The following SLC26A3 variants were observed in gnomAD, a reference collection of about 807,000 sequenced individuals.
The protein encoded by SLC26A3 is solute carrier family 26 member 3, also known as chloride anion exchanger.
Under a neutral mutation model 85.6 loss-of-function variants are expected in SLC26A3, and 64 were observed. That is an observed-to-expected ratio of 0.75 (90% confidence interval 0.61 to 0.92). The LOEUF is 0.92. SLC26A3 is among the 40% of genes least tolerant of loss of function. The pLI is 0.00. For missense variants in SLC26A3, 922 were observed against 927.3 expected, an observed-to-expected ratio of 0.99 and a Z score of 0.07; for synonymous variants, 349 against 336.0, an observed-to-expected ratio of 1.04 and a Z score of -0.42.
At chr7:107,787,660 A>C in intron 6 of SLC26A3, 151 bp from the exon 7 acceptor site, 1 of 680,584 alleles carries the variant, frequency 1.5e-6, no homozygotes, top group Non-Finnish European at 2.5e-6. Flanking sequence ...TTAATTGTGA[A>C]TGTGAAATTG....
chr7:107,777,086 G>A (rs968522691), intron 13 of SLC26A3, among the ~76,000 whole-genome samples: 4 of 152,190 alleles, frequency 2.6e-5, no homozygotes, highest in African/African-American at 9.7e-5. Context: ...TATGTTTGAT[G>A]GGTTCCCAGT....
At chr7:107,777,571 C>G (rs1030296658) in intron 13 of SLC26A3, among the ~76,000 whole-genome samples, 5 of 151,986 alleles carry the variant, frequency 3.3e-5, no homozygotes, top group Admixed American at 6.6e-5. Flanking sequence ...GCCTGGGCGA[C>G]AAGAGCGAAA....
intron 1 of SLC26A3, among the ~76,000 whole-genome samples, chr7:107,795,510 T>G (rs559182290): frequency 1.2e-3 from 188 of 152,280 alleles, no homozygotes; most frequent in African/African-American, 4.4e-3. Flanking sequence ...CCTTATTATT[T>G]TATTATTATT....
At position 107,797,739 on chromosome 7, in the gene SLC26A3, C is replaced by CATTTTTTTTTTTTTTTTTT. The variant is rs781396459; in HGVS notation, c.-88-3143_-88-3142insAAAAAAAAAAAAAAAAAAT. On this transcript the variant is annotated intron_variant, in intron 1 of 20. Coordinates refer to ENST00000340010, the MANE Select transcript of SLC26A3 (RefSeq NM_000111.3). ...TCATTTCTGAGATTCTTGAGCAGGA[C>CATTTTTTTTTTTTTTTTTT]CTTTTTTTTTTGAGACGGAGTCTTG... 7.3e-3 allele frequency among the ~76,000 whole-genome samples: 514 copies of CATTTTTTTTTTTTTTTTTT among 70,392 alleles called. 24 individuals are homozygous for CATTTTTTTTTTTTTTTTTT. The highest frequency in any genetic ancestry group is 0.041 in the African/African-American group (490 of 11,890). The allele number at this position is 70,392 out of a possible 152,430, so 46.2% of individuals were successfully genotyped here.
At chr7:107,784,399 C>T (rs1794258259) in intron 8 of SLC26A3, among the ~76,000 whole-genome samples, 1 of 152,132 alleles carries the variant, frequency 6.6e-6, no homozygotes. Flanking sequence ...CTGCCACTTG[C>T]CCTTCCCAAG....
At chr7:107,789,278 G>A (rs970420669) in intron 6 of SLC26A3, among the ~76,000 whole-genome samples, 12 of 151,330 alleles carry the variant, frequency 7.9e-5, no homozygotes, top group East Asian at 3.9e-4. Context: ...CACCATGCCC[G>A]GCTATTTTTT....
At chr7:107,777,943 A>T (rs1300073295) in intron 13 of SLC26A3, among the ~76,000 whole-genome samples, 1 of 152,266 alleles carries the variant, frequency 6.6e-6, no homozygotes, top group Non-Finnish European at 1.5e-5. Context: ...AGTCAAAGCC[A>T]GAAGCAGACC....
intron 18 of SLC26A3, among the ~76,000 whole-genome samples, chr7:107,769,466 T>C (rs1011023202): frequency 6.6e-6 from 1 of 152,038 alleles, no homozygotes; most frequent in African/African-American, 2.4e-5. Flanking sequence ...CTTAGCAAAG[T>C]AATGCAGGAA....
chr7:107,773,475 C>T (rs1794058799), intron 17 of SLC26A3, among the ~76,000 whole-genome samples: 1 of 152,218 alleles, frequency 6.6e-6, no homozygotes, highest in African/African-American at 2.4e-5. Context: ...CCACCTTTCC[C>T]TCCATGGAAT....
rs1793898855 is a variant in SLC26A3 at position 107,765,605 on chromosome 7, AAAAATATGTATGAAC to A, written c.*235_*249del. ...TAGGATGGAAATCTGTCAGTGCTACAAAAATATGTATGAACAAAATAATTTTCACCCTTTGATAAA... is the reference window on the plus strand; with the variant it reads ...TAGGATGGAAATCTGTCAGTGCTACAAAAATAATTTTCACCCTTTGATAAA... On this transcript the variant is annotated 3_prime_UTR_variant, in exon 21 of 21. Coordinates refer to ENST00000340010, the MANE Select transcript of SLC26A3 (RefSeq NM_000111.3). 4 of 455,184 alleles carry A rather than the reference AAAAATATGTATGAAC, an allele frequency of 8.8e-6. No homozygotes were observed. Among genetic ancestry groups the A allele is most frequent in the Non-Finnish European group, 1.2e-5 (3 of 254,350 alleles). 28.2% of individuals were successfully genotyped at this position (455,184 alleles called of 1,614,324 possible).
intron 1 of SLC26A3, among the ~76,000 whole-genome samples, chr7:107,796,094 C>CTTATTATTATTATTA (rs58164632): frequency 6.7e-6 from 1 of 148,776 alleles, no homozygotes; most frequent in Non-Finnish European, 1.5e-5. Flanking sequence ...TTATGACTCC[C>CTTATTATTATTATTA]TTATTATTAT....
intron 1 of SLC26A3, among the ~76,000 whole-genome samples, chr7:107,797,740 C>CTTTTTCT (rs1794534048): frequency 7.8e-6 from 1 of 127,448 alleles, no homozygotes; most frequent in African/African-American, 3.3e-5. Flanking sequence ...TGAGCAGGAC[C>CTTTTTCT]TTTTTTTTTT....
chr7:107,791,493 T>A (rs1223487369), intron 4 of SLC26A3, among the ~76,000 whole-genome samples: 1 of 152,138 alleles, frequency 6.6e-6, no homozygotes, highest in East Asian at 1.9e-4. Context: ...ATGCCTGTAA[T>A]CCCAGCTACT....
chr7:107,776,343 C>T, intron 15 of SLC26A3, 109 bp downstream of exon 15: 2 of 921,500 alleles, frequency 2.2e-6, no homozygotes, highest in South Asian at 2.7e-5. Flanking sequence ...ACAACCCCAC[C>T]TCAACATATG....
At chr7:107,789,899 G>A (rs988727725) in intron 5 of SLC26A3, among the ~76,000 whole-genome samples, 6 of 152,106 alleles carry the variant, frequency 3.9e-5, no homozygotes, top group Non-Finnish European at 8.8e-5. Flanking sequence ...CAGGTGGAAC[G>A]TCACATGGTA....
chr7:107,791,167 C>G lies in SLC26A3; in HGVS notation c.451G>C (p.Asp151His). The G allele has an allele frequency of 1.2e-6, 2 of 1,614,208 alleles. No homozygotes were observed. The highest frequency in any genetic ancestry group is 1.7e-6 in the Non-Finnish European group (2 of 1,180,036). The change falls in exon 5 of 21, where the codon GAT becomes CAT. Residue 151 changes from aspartate to histidine, a missense_variant. Transcript: ENST00000340010. Reference protein sequence around the residue: ...VSGAVSKAVPDRNATTLGLPN... With the variant: ...VSGAVSKAVPHRNATTLGLPN... ...AATCCCAAAGTAGTTGCATTGCGAT[C>G]TGGGACTGCTTTTGAAACTGCTCCT...
chr7:107,765,730 A>G lies in SLC26A3; in HGVS notation c.*125T>C, dbSNP rs1793901514. ...TGCCATGCTAGAACCATCTTGTTCCAAAGTTTGAAACATATTCTGTCAAAA... is the reference window on the plus strand; with the variant it reads ...TGCCATGCTAGAACCATCTTGTTCCGAAGTTTGAAACATATTCTGTCAAAA... On this transcript the variant is annotated 3_prime_UTR_variant, in exon 21 of 21. Coordinates refer to ENST00000340010, the MANE Select transcript of SLC26A3 (RefSeq NM_000111.3). 4 of 739,180 alleles carry G rather than the reference A, an allele frequency of 5.4e-6. No individual in the cohort carries two copies. The highest frequency in any genetic ancestry group is 5.0e-5 in the South Asian group (3 of 59,702). The allele number at this position is 739,180 out of a possible 1,614,324, so 45.8% of individuals were successfully genotyped here.
At chr7:107,781,734 C>T (rs1794217375) in intron 11 of SLC26A3, among the ~76,000 whole-genome samples, 1 of 152,040 alleles carries the variant, frequency 6.6e-6, no homozygotes, top group South Asian at 2.1e-4. Context: ...TTGAGATGAC[C>T]ACACTGGGAG....
At chr7:107,789,187 A>G (rs1178632920) in intron 6 of SLC26A3, among the ~76,000 whole-genome samples, 13 of 147,140 alleles carry the variant, frequency 8.8e-5, no homozygotes, top group Admixed American at 4.8e-4. Flanking sequence ...CGTGATCTCA[A>G]CTCACTGCAA....
Sources: gnomAD v4.1 joint callset for allele counts (sites outside exome capture counted in the v4.1 genomes callset) on GRCh38, gnomAD v4.1.1 for gene constraint, MANE v1.5 for transcripts, NCBI Gene and HGNC (gene_info 2026-07-23, HGNC 2026-07-21) for gene names.